AHNAK2: variants seen among roughly 807,000 people sequenced by gnomAD.
AHNAK2 encodes the protein AHNAK nucleoprotein 2.
Under a neutral mutation model 30.7 loss-of-function variants are expected in AHNAK2, and 18 were observed. The observed-to-expected ratio is 0.59, with a 90% confidence interval of 0.41 to 0.87. AHNAK2 has a LOEUF of 0.87. Among genes scored for constraint, AHNAK2 ranks in the 40% least tolerant of loss-of-function variants. The probability of loss-of-function intolerance (pLI) is 0.00; values close to 1 mark genes in which losing one functional copy is unlikely to be tolerated. For missense variants in AHNAK2, 8,604 were observed against 7,373.0 expected (o/e 1.17, Z -6.11); for synonymous variants, 3,590 against 3,073.8 (o/e 1.17, Z -5.56).
Position 104,946,899 on chromosome 14 carries a change from G to A in AHNAK2, c.8552C>T (p.Ser2851Phe). 1.9e-6 allele frequency: 3 copies of A among 1,612,654 alleles called. No homozygotes were observed. The highest frequency in any genetic ancestry group is 2.2e-5 in the South Asian group (2 of 91,012). ...LKVEADGSFP[S>F]MQGDLKTTDI... ...AGTGGTCTTAAGATCCCCTTGCATG[G>A]AGGGGAAGCTCCCGTCAGCTTCCAC... The change falls in exon 7 of 7, where the codon TCC becomes TTC. Residue 2851 changes from serine to phenylalanine, a missense_variant. Coordinates refer to ENST00000333244, the MANE Select transcript of AHNAK2 (RefSeq NM_138420.4).
At position 104,949,254 on chromosome 14, in the gene AHNAK2, C is replaced by A. The variant is rs766689691; in HGVS notation, c.6197G>T (p.Gly2066Val). ...CACCTTGGGCAGGTGCCCTTTGAGG[C>A]CAGCTCCCTCGGGCACGTGGCCCTC... ...LPEGHVPEGA[G>V]LKGHLPKVEM... The change falls in exon 7 of 7, where the codon GGC becomes GTC. Residue 2066 changes from glycine to valine, a missense_variant. By Grantham distance (109) the Gly-to-Val change is moderately radical (BLOSUM62 -3). Transcript: ENST00000333244. 34 of 1,068,052 alleles carry A rather than the reference C, an allele frequency of 3.2e-5. 1 individual carries two copies. The African/African-American group carries it at 4.7e-4, about 15-fold the overall frequency. 66.2% of individuals were successfully genotyped at this position (1,068,052 alleles called of 1,614,324 possible). A position where few individuals can be genotyped will look rare whatever the true frequency, so the allele number is the denominator to read the frequency against.
At chr14:104,957,733 G>A in intron 1 of AHNAK2, 61 bp from the exon 2 acceptor site, 2 of 1,532,502 alleles carry the variant, frequency 1.3e-6, no homozygotes, top group Non-Finnish European at 1.8e-6. Flanking sequence ...CGGGGCCCGG[G>A]GGAGGGAGCC....
chr14:104,973,745 A>G (rs1376341470), intron 1 of AHNAK2, among the ~76,000 whole-genome samples: 2 of 152,076 alleles, frequency 1.3e-5, no homozygotes, highest in Admixed American at 1.3e-4. Flanking sequence ...CTAGCCTCCC[A>G]CCACCGCCAC....
At position 104,954,413 on chromosome 14, in the gene AHNAK2, G is replaced by T. The variant is rs374073019; in HGVS notation, c.1038C>A (p.Phe346Leu). The change falls in exon 7 of 7, where the codon TTC becomes TTA. Residue 346 changes from phenylalanine (F) to leucine (L), a missense_variant. Transcript: ENST00000333244. The surrounding 1 kb of genome is among the most constrained non-coding windows in gnomAD (Gnocchi z 4.3). ...CCCCAGCACGGCCCACCCCACTCTG[G>T]AACCCCCTGCCTGGCTGTCCTGTCG... ...PSSTGQPGRG[F>L]QSGVGRAGVL... The T allele has an allele frequency of 8.7e-6, 14 of 1,612,662 alleles. No individual in the cohort carries two copies. The highest frequency in any genetic ancestry group is 1.3e-5 in the African/African-American group (1 of 74,880).
In AHNAK2 at chr14:104,944,890, G is replaced by A; in HGVS notation, c.10561C>T (p.Leu3521Phe). The change falls in exon 7 of 7, where the codon CTC becomes TTC. Residue 3521 changes from leucine to phenylalanine, a missense_variant. Coordinates refer to ENST00000333244, the MANE Select transcript of AHNAK2 (RefSeq NM_138420.4). ...TCAGCGGAAGGGGGCTGAATGCTGA[G>A]GTCAGTGGCCTTGAGGTCCCCCTGC... ...SMQGDLKATD[L>F]SIQPPSADLE... The A allele has an allele frequency of 6.2e-7, 1 of 1,613,186 alleles. No individual in the cohort carries two copies. The highest frequency in any genetic ancestry group is 8.5e-7 in the Non-Finnish European group (1 of 1,179,648).
rs770442313 is a variant in AHNAK2 at position 104,940,062 on chromosome 14, T to C, written c.15389A>G (p.Glu5130Gly). ...GAGCCCACATCCTCTGCTGTCACCT[T>C]CGGTAGACAGATCATGTTTGGGAAG... ...LPLPKHDLST[E>G]GDSRGCGLGD... The change falls in exon 7 of 7, where the codon GAA (glutamate) becomes GGA (glycine). Residue 5130 changes from glutamate to glycine, a missense_variant. Coordinates refer to ENST00000333244, the MANE Select transcript of AHNAK2 (RefSeq NM_138420.4). The surrounding 1 kb of genome is among the most constrained non-coding windows in gnomAD (Gnocchi z 4.4). 5.0e-6 allele frequency: 8 copies of C among 1,611,620 alleles called. No individual in the cohort carries two copies. Among genetic ancestry groups the C allele is most frequent in the Non-Finnish European group, 5.9e-6 (7 of 1,178,460 alleles).
rs762590676 is a variant in AHNAK2 at position 104,942,050 on chromosome 14, CTT to C, written c.13399_13400del (p.Lys4467ValfsTer43). On this transcript the variant is annotated frameshift_variant, in exon 7 of 7. Coordinates refer to ENST00000333244, the MANE Select transcript of AHNAK2 (RefSeq NM_138420.4). LOFTEE classifies it low-confidence loss of function (END_TRUNC). Reference sequence around the variant, plus strand: ...ACATCCCAAAGGATGGCATCTTGAACTTGGGCATTTTGAACTTGCTGTCTTTG... The same window carrying C: ...ACATCCCAAAGGATGGCATCTTGAACGGGCATTTTGAACTTGCTGTCTTTG... The part of the protein sequence containing the change: ...TAKDSKFKMP[K>X]FKMPSFGMLS... The C allele has an allele frequency of 6.8e-6, 11 of 1,611,832 alleles. No individual in the cohort carries two copies. In the African/African-American group the frequency reaches 1.3e-4, roughly 20 times the overall value.
At chr14:104,955,730 C>T (rs1898954048) in intron 4 of AHNAK2, 97 bp from the exon 5 acceptor site, 2 of 1,455,884 alleles carry the variant, frequency 1.4e-6, no homozygotes, top group Non-Finnish European at 1.8e-6. Flanking sequence ...GGGCACCCCA[C>T]CATCCTTTCC....
rs1898018192 is a variant in AHNAK2 at position 104,942,113 on chromosome 14, C to A, written c.13338G>T (p.Glu4446Asp). The change falls in exon 7 of 7, where the codon GAG becomes GAT. Residue 4446 changes from glutamate (E) to aspartate (D), a missense_variant. Glu to Asp is a conservative substitution (Grantham distance 45). Transcript: ENST00000333244. The stretch of plus-strand genomic sequence containing the variant: ...CCTTGTCAGCCAGGGACAGGTCCCC[C>A]TCCAGCCGCGTACTGTCCAGCTTGG... Reference protein sequence around the residue: ...PGAKLDSTRLEGDLSLADKDV... With the variant: ...PGAKLDSTRLDGDLSLADKDV... The A allele has an allele frequency of 1.9e-6, 3 of 1,613,234 alleles. No individual in the cohort carries two copies. The highest frequency in any genetic ancestry group is 1.7e-5 in the Admixed American group (1 of 59,946).
chr14:104,943,746 T>C lies in AHNAK2; in HGVS notation c.11705A>G (p.Lys3902Arg), dbSNP rs1181355725. Residue 3902 changes from lysine (K) to arginine (R), a missense_variant, in exon 7 of 7, where the codon AAG (lysine) becomes AGG (arginine). By Grantham distance (26) the Lys-to-Arg change is conservative. Transcript: ENST00000333244. ...PSFKMPKVDL[K>R]GPEIDIKGPK... ...GCCCTTGATGTCTATTTCAGGGCCC[T>C]TGAGGTCGACTTTGGGCATCTTGAA... 2 of 1,612,720 alleles carry C rather than the reference T, an allele frequency of 1.2e-6. No homozygotes were observed. The highest frequency in any genetic ancestry group is 8.5e-7 in the Non-Finnish European group (1 of 1,179,454).
Position 104,944,198 on chromosome 14 carries a change from T to C in AHNAK2, c.11253A>G (p.Lys3751=), listed in dbSNP as rs1566901731. The change falls in exon 7 of 7, where the codon AAA becomes AAG. Residue 3751 remains lysine (K), a synonymous_variant. Coordinates refer to ENST00000333244, the MANE Select transcript of AHNAK2 (RefSeq NM_138420.4). ...GGGCTGTGACTTCCGCCTTGGAGAC[T>C]TTTAGGTCCAGCTTGGGGCCCTTGA... The part of the protein sequence containing the change: ...VDIKGPKLDL[K]VSKAEVTAPD... 2 of 1,612,974 alleles carry C rather than the reference T, an allele frequency of 1.2e-6. No individual in the cohort carries two copies. Among genetic ancestry groups the C allele is most frequent in the Non-Finnish European group, 1.7e-6 (2 of 1,179,536 alleles).
At chr14:104,970,734 C>G (rs927709992) in intron 1 of AHNAK2, among the ~76,000 whole-genome samples, 5 of 152,214 alleles carry the variant, frequency 3.3e-5, no homozygotes, top group Admixed American at 6.5e-5. Flanking sequence ...CCAGCCTGAG[C>G]AGCTGACTGC....
rs1388493670 is a variant in AHNAK2, at chr14:104,944,058, G to A, written c.11393C>T (p.Ala3798Val). The A allele has an allele frequency of 2.5e-6, 4 of 1,612,962 alleles. No individual in the cohort carries two copies. The South Asian group carries it at 4.4e-5, about 18-fold the overall frequency. The part of the protein sequence containing the change: ...DLSLADKDVT[A>V]KDSKFKMPKF... The stretch of plus-strand genomic sequence containing the variant: ...GGGCATTTTGAATTTGCTGTCTTTG[G>A]CAGTCACATCCTTGTCGGCCAGGGA... Residue 3798 changes from alanine (A) to valine (V), a missense_variant, in exon 7 of 7, where the codon GCC (alanine) becomes GTC (valine). Physicochemically the swap from Ala to Val is moderately conservative, Grantham distance 64. Transcript: ENST00000333244.
rs761911820 is a variant in AHNAK2 at position 104,954,489 on chromosome 14, C to T, written c.962G>A (p.Arg321Gln). 31 of 1,612,372 alleles carry T rather than the reference C, an allele frequency of 1.9e-5. No individual in the cohort carries two copies. The highest frequency in any genetic ancestry group is 3.3e-5 in the Admixed American group (2 of 59,898). The change falls in exon 7 of 7, where the codon CGG (arginine) becomes CAG (glutamine). Residue 321 changes from arginine to glutamine, a missense_variant. Coordinates refer to ENST00000333244, the MANE Select transcript of AHNAK2 (RefSeq NM_138420.4). This position sits in a 1 kb window ranked among gnomAD's most constrained non-coding sequence, Gnocchi z 4.3. ...CCTGAATCTGAGGTTGAGGAACTTC[C>T]GCCTCCTCTGGCTGCCCGGCCCTGC... is the stretch of plus-strand genomic sequence containing the variant. ...QKAGPGSQRRRKFLNLRFRTG... is the reference protein window; with the variant it reads ...QKAGPGSQRRQKFLNLRFRTG...
chr14:104,959,566 G>A (rs111781133), intron 1 of AHNAK2, among the ~76,000 whole-genome samples: 3,443 of 152,348 alleles, frequency 0.023, 61 homozygotes, highest in Non-Finnish European at 0.036. Context: ...AAGCCTGAGA[G>A]GTTGAGGCTG....
At chr14:104,969,546 C>CAG (rs1899413274) in intron 1 of AHNAK2, among the ~76,000 whole-genome samples, 1 of 152,266 alleles carries the variant, frequency 6.6e-6, no homozygotes, top group African/African-American at 2.4e-5. Context: ...ACCAAGCACT[C>CAG]AGAGCCTGGC....
In AHNAK2 at chr14:104,952,166, G is replaced by A. The variant is rs1898767347; in HGVS notation, c.3285C>T (p.Ala1095=). The A allele has an allele frequency of 6.2e-7, 1 of 1,612,372 alleles. No homozygotes were observed. The highest frequency in any genetic ancestry group is 8.5e-7 in the Non-Finnish European group (1 of 1,179,574). Residue 1095 remains alanine, a synonymous_variant, in exon 7 of 7, where the codon GCC becomes GCT. Coordinates refer to ENST00000333244, the MANE Select transcript of AHNAK2 (RefSeq NM_138420.4). The part of the protein sequence containing the change: ...EMPSFKMPKV[A]LKGPQVDVKG... Reference sequence around the variant, plus strand: ...TGACGTCCACCTGGGGGCCCTTGAGGGCCACTTTGGGCATCTTGAAACTGG... The same window carrying A: ...TGACGTCCACCTGGGGGCCCTTGAGAGCCACTTTGGGCATCTTGAAACTGG...
In AHNAK2 at chr14:104,938,366, G is replaced by C; in HGVS notation, c.17085C>G (p.Gly5695=). 1 of 1,613,950 alleles carries C rather than the reference G, an allele frequency of 6.2e-7. No individual in the cohort carries two copies. Among genetic ancestry groups the C allele is most frequent in the African/African-American group, 1.3e-5 (1 of 75,038 alleles). ...ACCCTAATTTGGGAAATCGGAACCAGCCTGCCTTCTCCTGTTTTTTAGGCA... is the reference window on the plus strand; with the variant it reads ...ACCCTAATTTGGGAAATCGGAACCACCCTGCCTTCTCCTGTTTTTTAGGCA... ...AELPKKQEKA[G]WFRFPKLGFS... Residue 5695 remains glycine, a synonymous_variant, in exon 7 of 7, where the codon GGC becomes GGG. Coordinates refer to ENST00000333244, the MANE Select transcript of AHNAK2 (RefSeq NM_138420.4).
rs2819443 is a variant in AHNAK2, at chr14:104,952,679, G to T, written c.2772C>A (p.Phe924Leu). 667 of 1,612,086 alleles carry T rather than the reference G, an allele frequency of 4.1e-4. 17 individuals carry two copies. The African/African-American group carries it at 8.0e-3, about 19-fold the overall frequency. Residue 924 changes from phenylalanine to leucine, a missense_variant, in exon 7 of 7, where the codon TTC becomes TTA. Physicochemically the swap from Phe to Leu is conservative, Grantham distance 22 (BLOSUM62 0). Coordinates refer to ENST00000333244, the MANE Select transcript of AHNAK2 (RefSeq NM_138420.4). The part of the protein sequence containing the change: ...VHLPKVEMPS[F>L]KMPKVDLKGP... ...CCTTGAGGTCCACTTTGGGCATCTT[G>T]AAACTGGGCATCTCCACTTTGGGCA...
Sources: gnomAD v4.1 joint callset for allele counts (sites outside exome capture counted in the v4.1 genomes callset) on GRCh38, gnomAD v4.1.1 for gene constraint, Gnocchi (gnomAD v3.1) non-coding constraint, MANE v1.5 for transcripts, NCBI Gene and HGNC (gene_info 2026-07-23, HGNC 2026-07-21) for gene names.